The following PRXL2C variants were observed in gnomAD, a reference collection of about 807,000 sequenced individuals.
PRXL2C encodes peroxiredoxin-like 2C.
PRXL2C carries 38 observed loss-of-function variants against 24.9 expected under a neutral mutation model. The observed-to-expected ratio is 1.53, with a 90% CI of 1.18 to 2.00. The LOEUF (loss-of-function observed/expected upper bound fraction) is 2.00. Among genes scored for constraint, PRXL2C ranks in the 30% most tolerant of loss-of-function variants. PRXL2C has a pLI of 0.00. For synonymous variants in PRXL2C, 98 were observed against 117.2 expected (o/e 0.84, Z 1.06); for missense variants, 294 against 290.9 (o/e 1.01, Z -0.08).
chr9:96,652,554 T>C (rs1848283033), intron 2 of PRXL2C, among the ~76,000 whole-genome samples: 2 of 148,828 alleles, frequency 1.3e-5, no homozygotes, highest in South Asian at 4.2e-4. Context: ...AGCCAAGAGA[T>C]ATATGAAAAG....
chr9:96,653,990 G>C (rs1196543398), intron 2 of PRXL2C, among the ~76,000 whole-genome samples: 1 of 152,040 alleles, frequency 6.6e-6, no homozygotes, highest in Non-Finnish European at 1.5e-5. Flanking sequence ...ACAGGCGCCC[G>C]CCACCAAGCC....
chr9:96,644,878 AT>A (rs1564408109), intron 5 of PRXL2C, among the ~76,000 whole-genome samples: 1 of 58,082 alleles, frequency 1.7e-5, no homozygotes, highest in African/African-American at 5.5e-5. Flanking sequence ...AACTACATGG[AT>A]TCTTTTTTTT....
chr9:96,644,055 C>T (rs1848157190), intron 5 of PRXL2C, among the ~76,000 whole-genome samples: 1 of 151,224 alleles, frequency 6.6e-6, no homozygotes, highest in Non-Finnish European at 1.5e-5. Flanking sequence ...ATCGCTTGAT[C>T]CCGGGAGGCG....
In PRXL2C at chr9:96,642,008, G is replaced by A. The variant is rs573871076; in HGVS notation, c.554-122C>T. On this transcript the variant is annotated intron_variant, in intron 5 of 5. Coordinates refer to ENST00000375234, the MANE Select transcript of PRXL2C (RefSeq NM_153698.2). ...CAAAGGGAAAAATTAATTACCTGGA[G>A]TGCATTATATTCTCTATATAATGCC... 55 of 726,470 alleles carry A rather than the reference G, an allele frequency of 7.6e-5. No individual in the cohort carries two copies. In the East Asian group the frequency reaches 1.6e-3, roughly 21 times the overall value. The allele number at this position is 726,470 out of a possible 1,614,324, so 45.0% of individuals were successfully genotyped here.
rs1199328133 is a variant in PRXL2C at position 96,655,207 on chromosome 9, G to GTCGGGGCCGC, written c.65_74dup (p.Asp25GlufsTer84). The GTCGGGGCCGC allele has an allele frequency of 5.1e-6, 6 of 1,177,158 alleles. No homozygotes were observed. The highest frequency in any genetic ancestry group is 4.1e-5 in the South Asian group (1 of 24,252). The allele number at this position is 1,177,158 out of a possible 1,614,324, so 72.9% of individuals were successfully genotyped here. On this transcript the variant is annotated frameshift_variant, in exon 1 of 6. Transcript: ENST00000375234. LOFTEE classifies it high-confidence loss of function. ...CGGCGGCCGCCAGGGGCTGCCCGCT[G>GTCGGGGCCGC]TCGGGGCCGCTCGGGGCCGGGACCA...
At chr9:96,642,639 G>A (rs370526752) in intron 5 of PRXL2C, among the ~76,000 whole-genome samples, 44 of 150,822 alleles carry the variant, frequency 2.9e-4, no homozygotes, top group Admixed American at 8.6e-4. Flanking sequence ...TCCGCCTTCT[G>A]GGTTCAAGCG....
At chr9:96,645,524 G>A (rs1588100921) in intron 5 of PRXL2C, among the ~76,000 whole-genome samples, 1 of 152,032 alleles carries the variant, frequency 6.6e-6, no homozygotes, top group East Asian at 2.0e-4. Context: ...TGGGTGGGGC[G>A]CGGTGGCTCA....
At chr9:96,651,160 C>T (rs887723585) in intron 4 of PRXL2C, among the ~76,000 whole-genome samples, 2 of 152,064 alleles carry the variant, frequency 1.3e-5, no homozygotes, top group African/African-American at 2.4e-5. Context: ...CACCTGTAAT[C>T]CTAGCTACTT....
intron 2 of PRXL2C, 26 bp downstream of exon 2, chr9:96,654,679 T>C (rs919881941): frequency 1.3e-6 from 2 of 1,552,404 alleles, no homozygotes; most frequent in African/African-American, 1.4e-5. Flanking sequence ...AAGCGGGCAC[T>C]GGGCCGCCCA....
intron 4 of PRXL2C, among the ~76,000 whole-genome samples, chr9:96,648,074 G>T (rs1456764990): frequency 6.6e-6 from 1 of 151,050 alleles, no homozygotes; most frequent in Non-Finnish European, 1.5e-5. Context: ...GCTAATTTTT[G>T]TATTTTTTTG....
chr9:96,642,963 G>T (rs1295274564), intron 5 of PRXL2C, among the ~76,000 whole-genome samples: 1 of 152,182 alleles, frequency 6.6e-6, no homozygotes, highest in African/African-American at 2.4e-5. Flanking sequence ...TGCTGAATAT[G>T]TACAGACATT....
intron 4 of PRXL2C, among the ~76,000 whole-genome samples, chr9:96,647,314 C>T (rs1277088375): frequency 6.6e-6 from 1 of 152,132 alleles, no homozygotes; most frequent in Non-Finnish European, 1.5e-5. Context: ...TTCTCCTATC[C>T]TTGCCATGTA....
At chr9:96,651,539 A>G (rs991334803) in intron 3 of PRXL2C, 44 bp from the exon 4 acceptor site, 20 of 1,573,744 alleles carry the variant, frequency 1.3e-5, no homozygotes, top group Non-Finnish European at 1.6e-5. Context: ...AACAAATGAG[A>G]GAAAAGTAAT....
chr9:96,653,032 A>C (rs9802743), intron 2 of PRXL2C, among the ~76,000 whole-genome samples: 2,680 of 152,102 alleles, frequency 0.018, 36 homozygotes, highest in Admixed American at 0.057. Flanking sequence ...TGGAGACCAT[A>C]CTGGCTAACA....
In PRXL2C at chr9:96,639,630, A is replaced by T. The variant is rs919284017; in HGVS notation, c.*2129T>A. 1 of 152,172 alleles carries T rather than the reference A, an allele frequency of 6.6e-6. No individual in the cohort carries two copies. The highest frequency in any genetic ancestry group is 2.4e-5 in the African/African-American group (1 of 41,434). 9.4% of individuals were successfully genotyped at this position (152,172 alleles called of 1,614,324 possible). ...ATAAAAACATTATACAAACATGAAGATATATTCAAATATTTGAATACATTA... is the reference window on the plus strand; with the variant it reads ...ATAAAAACATTATACAAACATGAAGTTATATTCAAATATTTGAATACATTA... On this transcript the variant is annotated 3_prime_UTR_variant, in exon 6 of 6. Coordinates refer to ENST00000375234, the MANE Select transcript of PRXL2C (RefSeq NM_153698.2).
intron 5 of PRXL2C, among the ~76,000 whole-genome samples, chr9:96,644,217 T>G (rs1848159693): frequency 6.6e-6 from 1 of 152,068 alleles, no homozygotes; most frequent in South Asian, 2.1e-4. Context: ...CAGACAGTTT[T>G]AAAGAGGAAG....
In PRXL2C at chr9:96,639,960, G is replaced by A; in HGVS notation, c.*1799C>T. On this transcript the variant is annotated 3_prime_UTR_variant, in exon 6 of 6. Coordinates refer to ENST00000375234, the MANE Select transcript of PRXL2C (RefSeq NM_153698.2). ...AATAGAAACTTAGCCAGGCATGGTG[G>A]CGCATGCCTGTAATCTCAGCTACTC... The A allele has an allele frequency of 6.6e-6, 1 of 152,048 alleles. No individual in the cohort carries two copies. Among genetic ancestry groups the A allele is most frequent in the Non-Finnish European group, 1.5e-5 (1 of 68,028 alleles). The allele number at this position is 152,048 out of a possible 1,614,324, so 9.4% of individuals were successfully genotyped here. A position where few individuals can be genotyped will look rare whatever the true frequency, so the allele number is the denominator to read the frequency against.
chr9:96,641,864 G>A lies in PRXL2C; in HGVS notation c.576C>T (p.His192=). Residue 192 remains histidine (H), a synonymous_variant, in exon 6 of 6, where the codon CAC becomes CAT. Coordinates refer to ENST00000375234, the MANE Select transcript of PRXL2C (RefSeq NM_153698.2). ...TGTGATCCAACCTATTCCTATCGCG[G>A]TGTATAAAATGGATGTTGTTACCTA... ...LGPGNNIHFI[H]RDRNRLDHKP... is the part of the protein sequence containing the mutation. The A allele has an allele frequency of 1.3e-6, 2 of 1,512,908 alleles. No individual in the cohort carries two copies. The highest frequency in any genetic ancestry group is 1.8e-6 in the Non-Finnish European group (2 of 1,112,486). The allele number at this position is 1,512,908 out of a possible 1,614,324, so 93.7% of individuals were successfully genotyped here. A position where few individuals can be genotyped will look rare whatever the true frequency, so the allele number is the denominator to read the frequency against.
intron 1 of PRXL2C, 65 bp from the exon 2 acceptor site, chr9:96,654,838 C>G (rs1479733106): frequency 5.5e-6 from 8 of 1,458,688 alleles, no homozygotes; most frequent in African/African-American, 2.9e-5. Context: ...CGAAGGATCC[C>G]TGTACTTCGC....
Sources: gnomAD v4.1 joint callset for allele counts (sites outside exome capture counted in the v4.1 genomes callset) on GRCh38, gnomAD v4.1.1 for gene constraint, MANE v1.5 for transcripts, NCBI Gene and HGNC (gene_info 2026-07-23, HGNC 2026-07-21) for gene names.